Variants in HMGN1 observed in about 807,000 individuals in gnomAD.
HMGN1 encodes non-histone chromosomal protein HMG-14.
HMGN1 carries 9 observed loss-of-function variants against 18.4 expected under a neutral mutation model. The observed-to-expected ratio is 0.49, with a 90% CI of 0.29 to 0.85. The LOEUF (loss-of-function observed/expected upper bound fraction) is 0.85, where lower values mean the gene tolerates loss of function less well. Among genes scored for constraint, HMGN1 ranks in the 40% least tolerant of loss-of-function variants. The pLI is 0.07. For synonymous variants in HMGN1, 59 were observed against 45.0 expected (o/e 1.31, Z -1.24); for missense variants, 151 against 119.2 (o/e 1.27, Z -1.24).
At chr21:39,345,108 A>AACACACACACACACACACAC (rs1569004986) in intron 5 of HMGN1, 38 bp downstream of exon 5, 1 of 560,016 alleles carries the variant, frequency 1.8e-6, no homozygotes, top group Non-Finnish European at 2.6e-6. Context: ...AGTCAAAGCA[A>AACACACACACACACACACAC]TCACACACAC....
chr21:39,345,323 T>C (rs751308102), intron 4 of HMGN1, 49 bp from the exon 5 acceptor site: 34 of 1,564,730 alleles, frequency 2.2e-5, no homozygotes, highest in Non-Finnish European at 3.0e-5. Flanking sequence ...ACTCCTTATT[T>C]ACATTTTGTT....
At chr21:39,345,050 T>C in intron 5 of HMGN1, 96 bp downstream of exon 5, 2 of 1,370,878 alleles carry the variant, frequency 1.5e-6, no homozygotes, top group Non-Finnish European at 1.9e-6. Context: ...TTATAATGAA[T>C]ACTGTTATCT....
intron 5 of HMGN1, 57 bp from the exon 6 acceptor site, chr21:39,343,216 T>C: frequency 2.1e-6 from 3 of 1,460,580 alleles, no homozygotes; most frequent in Admixed American, 2.0e-5. Flanking sequence ...GTTTTATTTA[T>C]ATGCAACTAT....
Position 39,342,552 on chromosome 21 carries a change from C to T in HMGN1, c.*560G>A, listed in dbSNP as rs3167757. ...TACGGCCCACCAGTTCACAACTCAA[C>T]AGCACGTACACTACATGTTCAAATC... On this transcript the variant is annotated 3_prime_UTR_variant, in exon 6 of 6. Coordinates refer to ENST00000380749, the MANE Select transcript of HMGN1 (RefSeq NM_004965.7). 0.35 allele frequency: 88,719 copies of T among 255,022 alleles called. 16,357 individuals are homozygous for T. Among genetic ancestry groups the T allele is most frequent in the African/African-American group, 0.39 (16,677 of 42,766 alleles). 15.8% of individuals were successfully genotyped at this position (255,022 alleles called of 1,614,324 possible).
At chr21:39,345,648 C>T in intron 4 of HMGN1, 2 of 399,524 alleles carry the variant, frequency 5.0e-6, no homozygotes, top group Non-Finnish European at 9.6e-6. Flanking sequence ...AAAGCCCGAG[C>T]TATATTTCAC....
chr21:39,347,284 C>G, intron 4 of HMGN1: 1 of 915,354 alleles, frequency 1.1e-6, no homozygotes, highest in Non-Finnish European at 1.4e-6. Context: ...ATCACAAAAA[C>G]AGAACTTTCT....
At position 39,348,398 on chromosome 21, in the gene HMGN1, G is replaced by C. The variant is rs374302227; in HGVS notation, c.78+24C>G. On this transcript the variant is annotated intron_variant, in intron 3 of 5. Transcript: ENST00000380749. ...CCGGGACGACCCGCGGAAAACGAAC[G>C]GTTACGGGGCTCGCTTTACTTACAG... The C allele has an allele frequency of 3.7e-6, 6 of 1,614,164 alleles. No homozygotes were observed. In the African/African-American group the frequency reaches 8.0e-5, roughly 22 times the overall value.
At chr21:39,344,251 C>A (rs1454170298) in intron 5 of HMGN1, among the ~76,000 whole-genome samples, 3 of 57,928 alleles carry the variant, frequency 5.2e-5, no homozygotes, top group Non-Finnish European at 9.2e-5. Context: ...AGCGAAATTC[C>A]GTCTCAAAAA....
chr21:39,343,293 C>T, intron 5 of HMGN1, 134 bp from the exon 6 acceptor site: 1 of 811,190 alleles, frequency 1.2e-6, no homozygotes, highest in East Asian at 2.7e-5. Context: ...TGTTAAAAAA[C>T]TTTTGTTAAC....
chr21:39,345,952 G>A, intron 4 of HMGN1: 1 of 1,300,828 alleles, frequency 7.7e-7, no homozygotes, highest in Non-Finnish European at 1.0e-6. Context: ...TTAGGTGTTT[G>A]AAGAATCTGA....
chr21:39,348,297 C>A lies in HMGN1; in HGVS notation c.121G>T (p.Ala41Ser), dbSNP rs762802491. Residue 41 changes from alanine (A) to serine (S), a missense_variant, in exon 4 of 6, where the codon GCG (alanine) becomes TCG (serine). Coordinates refer to ENST00000380749, the MANE Select transcript of HMGN1 (RefSeq NM_004965.7). ...KVEAKPKKAAAKDKSSDKKVQ... is the reference protein window; with the variant it reads ...KVEAKPKKAASKDKSSDKKVQ... ...ATGCGCGTTTCGAGGCTTACCTTCGCTGCTGCCTTTTTCGGCTTCGCTTCC... is the reference window on the plus strand; with the variant it reads ...ATGCGCGTTTCGAGGCTTACCTTCGATGCTGCCTTTTTCGGCTTCGCTTCC... 4.3e-6 allele frequency: 7 copies of A among 1,614,044 alleles called. No homozygotes were observed. Among genetic ancestry groups the A allele is most frequent in the Non-Finnish European group, 8.5e-7 (1 of 1,179,986 alleles).
chr21:39,347,340 A>C (rs1027871031), intron 4 of HMGN1: 3 of 1,043,322 alleles, frequency 2.9e-6, no homozygotes, highest in South Asian at 1.8e-5. Flanking sequence ...CTCTGTAAAA[A>C]ATTTAAATTA....
Position 39,349,046 on chromosome 21 carries a change from C to G in HMGN1, c.-129G>C, listed in dbSNP as rs2037177262. On this transcript the variant is annotated 5_prime_UTR_variant, in exon 1 of 6. Coordinates refer to ENST00000380749, the MANE Select transcript of HMGN1 (RefSeq NM_004965.7). ...TGCCGCTGCCACTCCTCCCGCCGCCCGAGCTGCTGAGACCCACAGCGGGGG... is the reference window on the plus strand; with the variant it reads ...TGCCGCTGCCACTCCTCCCGCCGCCGGAGCTGCTGAGACCCACAGCGGGGG... 3 of 1,063,476 alleles carry G rather than the reference C, an allele frequency of 2.8e-6. No individual in the cohort carries two copies. Among genetic ancestry groups the G allele is most frequent in the Non-Finnish European group, 3.5e-6 (3 of 849,462 alleles). The allele number at this position is 1,063,476 out of a possible 1,614,324, so 65.9% of individuals were successfully genotyped here.
chr21:39,345,080 T>G, intron 5 of HMGN1, 66 bp downstream of exon 5: 1 of 1,426,048 alleles, frequency 7.0e-7, no homozygotes, highest in South Asian at 1.4e-5. Flanking sequence ...AATGTACAAT[T>G]TAGTATCTAC....
At position 39,342,750 on chromosome 21, in the gene HMGN1, G is replaced by A. The variant is rs1275188235; in HGVS notation, c.*362C>T. ...AATAGAAGTAATTTAAAATGTTCAA[G>A]ACATTAAATGCAGGACTGACTCCAT... On this transcript the variant is annotated 3_prime_UTR_variant, in exon 6 of 6. Coordinates refer to ENST00000380749, the MANE Select transcript of HMGN1 (RefSeq NM_004965.7). The A allele has an allele frequency of 3.8e-6, 2 of 533,290 alleles. No homozygotes were observed. The highest frequency in any genetic ancestry group is 3.6e-5 in the Admixed American group (1 of 27,620). 33.0% of individuals were successfully genotyped at this position (533,290 alleles called of 1,614,324 possible).
rs114311121 is a variant in HMGN1 at position 39,347,724 on chromosome 21, T to G, written c.126+568A>C. 2.8e-3 allele frequency: 747 copies of G among 270,238 alleles called. 9 individuals are homozygous for G. Among genetic ancestry groups the G allele is most frequent in the African/African-American group, 0.015 (675 of 43,650 alleles). The allele number at this position is 270,238 out of a possible 1,614,324, so 16.7% of individuals were successfully genotyped here. Reference sequence around the variant, plus strand: ...CCAACTTCATTCTACAGACCTGCAATTCGAATCATGCAATCACGAATTTGT... The same window carrying G: ...CCAACTTCATTCTACAGACCTGCAAGTCGAATCATGCAATCACGAATTTGT... On this transcript the variant is annotated intron_variant, in intron 4 of 5. Coordinates refer to ENST00000380749, the MANE Select transcript of HMGN1 (RefSeq NM_004965.7).
rs1213196873 is a variant in HMGN1, at chr21:39,343,176, A to G, written c.256-17T>C. On this transcript the variant is annotated splice_polypyrimidine_tract_variant and intron_variant, in intron 5 of 5. Transcript: ENST00000380749. The stretch of plus-strand genomic sequence containing the variant: ...GGCTGGACTCTGCAAAAGAAAGGAA[A>G]TTGAGATCTTTAGCATTTAACACGT... 5 of 1,586,994 alleles carry G rather than the reference A, an allele frequency of 3.2e-6. No individual in the cohort carries two copies. Among genetic ancestry groups the G allele is most frequent in the South Asian group, 2.3e-5 (2 of 86,890 alleles).
rs949390886 is a variant in HMGN1 at position 39,348,694 on chromosome 21, C to T, written c.16-117G>A. The stretch of plus-strand genomic sequence containing the variant: ...CGTCACGGCTTCCCGCCGCCCCGTT[C>T]GAATAGCCCCCTCAGCTCCCCCGGC... On this transcript the variant is annotated intron_variant, in intron 1 of 5. Transcript: ENST00000380749. 103 of 1,294,074 alleles carry T rather than the reference C, an allele frequency of 8.0e-5. No individual in the cohort carries two copies. The African/African-American group carries it at 1.4e-3, about 18-fold the overall frequency. 80.2% of individuals were successfully genotyped at this position (1,294,074 alleles called of 1,614,324 possible).
At position 39,346,247 on chromosome 21, in the gene HMGN1, T is replaced by G. The variant is rs1289144612; in HGVS notation, c.127-973A>C. The G allele has an allele frequency of 3.0e-5, 10 of 332,430 alleles. No homozygotes were observed. The Admixed American group carries it at 4.5e-4, about 15-fold the overall frequency. The allele number at this position is 332,430 out of a possible 1,614,324, so 20.6% of individuals were successfully genotyped here. A position where few individuals can be genotyped will look rare whatever the true frequency, so the allele number is the denominator to read the frequency against. On this transcript the variant is annotated intron_variant, in intron 4 of 5. Transcript: ENST00000380749. ...TTCAATGCTAACACGGGCGGAAAAA[T>G]CACTGCAGGGTGTTCTGTACTAATA...
Sources: allele counts gnomAD v4.1 joint callset (sites outside exome capture counted in the v4.1 genomes callset), GRCh38; gene constraint gnomAD v4.1.1; transcripts MANE v1.5; gene names NCBI Gene and HGNC (gene_info 2026-07-23, HGNC 2026-07-21).